The following TBCD variants were observed in gnomAD, a reference collection of about 807,000 sequenced individuals.
TBCD encodes tubulin-specific chaperone D.
Under a neutral mutation model 169.3 loss-of-function variants are expected in TBCD, and 105 were observed. The ratio of observed to expected loss-of-function variants is 0.62; its 90% confidence interval spans 0.53 to 0.73. TBCD has a LOEUF of 0.73. Ranked by LOEUF, TBCD falls within the 30% of genes least tolerant of loss-of-function variation. The pLI is 0.00. For synonymous variants in TBCD, 700 were observed against 643.9 expected, an observed-to-expected ratio of 1.09 and a Z score of -1.32; for missense variants, 1,444 against 1,600.1, an observed-to-expected ratio of 0.90 and a Z score of 1.66.
chr17:82,842,479 C>A (rs140010209), intron 13 of TBCD, among the ~76,000 whole-genome samples: 8 of 152,160 alleles, frequency 5.3e-5, no homozygotes, highest in Non-Finnish European at 1.0e-4. Context: ...GCCCCTTCTG[C>A]CCCCATGTCT....
intron 30 of TBCD, among the ~76,000 whole-genome samples, chr17:82,928,478 GTCTC>G (rs916767462): frequency 6.6e-6 from 1 of 151,858 alleles, no homozygotes; most frequent in Non-Finnish European, 1.5e-5. Flanking sequence ...CTTTCTGTCG[GTCTC>G]TCTGTCGGGG....
intron 21 of TBCD, among the ~76,000 whole-genome samples, chr17:82,908,675 G>A (rs1004366746): frequency 6.6e-6 from 1 of 152,188 alleles, no homozygotes; most frequent in Non-Finnish European, 1.5e-5. Context: ...AGACAAGCAT[G>A]GCTGCAGAGT....
At chr17:82,830,222 A>AT (rs924769516) in intron 13 of TBCD, 4 of 1,614,090 alleles carry the variant, frequency 2.5e-6, no homozygotes, top group African/African-American at 1.3e-5. Context: ...CCTTGCTGGG[A>AT]TTTTCCAGCA....
intron 13 of TBCD, among the ~76,000 whole-genome samples, chr17:82,824,545 T>C (rs575882209): frequency 6.6e-6 from 1 of 152,244 alleles, no homozygotes; most frequent in East Asian, 1.9e-4. Flanking sequence ...GCAGTGGCTA[T>C]TCACAGGCCC....
intron 13 of TBCD, among the ~76,000 whole-genome samples, chr17:82,850,137 G>C (rs1391806415): frequency 0.045 from 3,104 of 69,090 alleles, 1,457 homozygotes; most frequent in East Asian, 0.066. Context: ...GTTGTTGTTG[G>C]CTGTGCTGTT....
At chr17:82,860,006 C>T (rs1278763795) in intron 13 of TBCD, among the ~76,000 whole-genome samples, 1 of 152,216 alleles carries the variant, frequency 6.6e-6, no homozygotes, top group Admixed American at 6.5e-5. Flanking sequence ...TCCAGCATGG[C>T]GTCCTCTGGG....
chr17:82,829,017 G>A (rs1293066887), intron 13 of TBCD, among the ~76,000 whole-genome samples: 4 of 85,910 alleles, frequency 4.7e-5, no homozygotes, highest in Non-Finnish European at 6.8e-5. Context: ...ACACACCCCC[G>A]CAGATATGCA....
intron 2 of TBCD, among the ~76,000 whole-genome samples, chr17:82,759,142 A>G (rs1274135104): frequency 6.6e-6 from 1 of 152,094 alleles, no homozygotes; most frequent in Non-Finnish European, 1.5e-5. Context: ...AGCCTCCTGC[A>G]GAGCTGGGAC....
At chr17:82,767,530 C>T (rs1332852016) in intron 4 of TBCD, among the ~76,000 whole-genome samples, 1 of 152,172 alleles carries the variant, frequency 6.6e-6, no homozygotes, top group East Asian at 1.9e-4. Context: ...CAACCTCTGT[C>T]TCCCAGGTTC....
At chr17:82,807,383 G>A (rs930208596) in intron 10 of TBCD, among the ~76,000 whole-genome samples, 1 of 152,216 alleles carries the variant, frequency 6.6e-6, no homozygotes, top group Non-Finnish European at 1.5e-5. Context: ...GGCTTTAATG[G>A]GGTAGATCTC....
chr17:82,919,631 G>A (rs1293137344), intron 23 of TBCD, among the ~76,000 whole-genome samples: 1 of 152,104 alleles, frequency 6.6e-6, no homozygotes, highest in African/African-American at 2.4e-5. Flanking sequence ...GGAAGTACCA[G>A]GTTACTTCAC....
At chr17:82,804,858 A>G (rs1364868632) in intron 9 of TBCD, among the ~76,000 whole-genome samples, 1 of 152,114 alleles carries the variant, frequency 6.6e-6, no homozygotes, top group Non-Finnish European at 1.5e-5. Flanking sequence ...CTTGTTTCCT[A>G]GACTTGGAAA....
At chr17:82,846,311 G>GCGTCCGGTATGCCACGTCCCCT (rs1567879164) in intron 13 of TBCD, among the ~76,000 whole-genome samples, 1 of 135,224 alleles carries the variant, frequency 7.4e-6, no homozygotes, top group African/African-American at 2.7e-5. Flanking sequence ...TCCACGTGCT[G>GCGTCCGGTATGCCACGTCCCCT]CGTCCAGCGT....
At chr17:82,913,312 C>G (rs1361317345) in intron 23 of TBCD, 1 of 152,104 alleles carries the variant, frequency 6.6e-6, no homozygotes, top group Non-Finnish European at 1.5e-5. Flanking sequence ...TTCACGTGCT[C>G]CCCGTGTGCT....
At chr17:82,823,498 C>T (rs528218956) in intron 13 of TBCD, among the ~76,000 whole-genome samples, 3 of 152,104 alleles carry the variant, frequency 2.0e-5, no homozygotes, top group East Asian at 1.9e-4. Context: ...CTTGTGTGAA[C>T]GTGTGTGTTT....
intron 14 of TBCD, among the ~76,000 whole-genome samples, chr17:82,875,619 G>A (rs569915313): frequency 2.0e-5 from 3 of 152,286 alleles, no homozygotes; most frequent in Admixed American, 6.5e-5. Context: ...GGGAGGATCC[G>A]CCGAGGCCTG....
rs575564613 is a variant in TBCD at position 82,785,691 on chromosome 17, A to AG, written c.771+3976dup. Among the ~76,000 whole-genome samples the AG allele has an allele frequency of 3.8e-5, 5 of 131,164 alleles. No homozygotes were observed. The East Asian group carries it at 1.2e-3, about 31-fold the overall frequency. 86.0% of individuals were successfully genotyped at this position (131,164 alleles called of 152,430 possible). On this transcript the variant is annotated intron_variant, in intron 7 of 38. Coordinates refer to ENST00000355528, the MANE Select transcript of TBCD (RefSeq NM_005993.5). ...ACTGGATCCCACCCATCGCAGCGGGAGGGGGGTCCATGATGTGTGACTGGG... is the reference window on the plus strand; with the variant it reads ...ACTGGATCCCACCCATCGCAGCGGGAGGGGGGGTCCATGATGTGTGACTGGG...
At chr17:82,829,714 T>C (rs903201837) in intron 13 of TBCD, 5 of 179,840 alleles carry the variant, frequency 2.8e-5, no homozygotes, top group Non-Finnish European at 2.4e-5. Flanking sequence ...TTTTTACATA[T>C]GGCACTTTAA....
At chr17:82,911,684 A>G (rs1300191669) in intron 22 of TBCD, 74 bp from the exon 23 acceptor site, 3 of 1,458,106 alleles carry the variant, frequency 2.1e-6, no homozygotes, top group East Asian at 2.3e-5. Flanking sequence ...CTGAGGTTAC[A>G]TTGGCAAGCA....
Sources: gnomAD v4.1 joint callset for allele counts (sites outside exome capture counted in the v4.1 genomes callset) on GRCh38, gnomAD v4.1.1 for gene constraint, MANE v1.5 for transcripts, NCBI Gene and HGNC (gene_info 2026-07-23, HGNC 2026-07-21) for gene names.